The following KIF1B variants were observed in gnomAD, a reference collection of about 807,000 sequenced individuals.
KIF1B encodes kinesin-like protein KIF1B.
Under a neutral mutation model 241.9 loss-of-function variants are expected in KIF1B, and 76 were observed. The ratio of observed to expected loss-of-function variants is 0.31; its 90% CI spans 0.26 to 0.38. The LOEUF (loss-of-function observed/expected upper bound fraction) is 0.38, where lower values mean the gene tolerates loss of function less well. KIF1B is among the 10% of genes least tolerant of loss of function. KIF1B has a pLI of 1.00. For synonymous variants in KIF1B, 750 were observed against 796.7 expected (o/e 0.94, Z 0.99); for missense variants, 1,622 against 2,271.4 (o/e 0.71, Z 5.81).
chr1:10,377,797 A>G lies in KIF1B; in HGVS notation c.*1210A>G, dbSNP rs1182125114. The G allele has an allele frequency of 1.6e-5, 3 of 183,182 alleles. No individual in the cohort carries two copies. The highest frequency in any genetic ancestry group is 2.4e-5 in the African/African-American group (1 of 42,480). The allele number at this position is 183,182 out of a possible 1,614,324, so 11.3% of individuals were successfully genotyped here. A position where few individuals can be genotyped will look rare whatever the true frequency, so the allele number is the denominator to read the frequency against. On this transcript the variant is annotated 3_prime_UTR_variant, in exon 49 of 49. Coordinates refer to ENST00000676179, the MANE Select transcript of KIF1B (RefSeq NM_001365951.3). ...ACTAAAAATACAAAATTAGTCGGGT[A>G]TGGTGGCACATGCCTGTAATTCCAG...
Position 10,375,276 on chromosome 1 carries a change from T to C in KIF1B, c.5311T>C (p.Cys1771Arg), listed in dbSNP as rs1239071144. The C allele has an allele frequency of 5.0e-6, 8 of 1,614,218 alleles. No individual in the cohort carries two copies. The highest frequency in any genetic ancestry group is 6.8e-6 in the Non-Finnish European group (8 of 1,180,022). ...TCAGACACCAAACACCTTTGCTGTCTGCACAAAGCACCGTGGGGTCCTTTT... is the reference window on the plus strand; with the variant it reads ...TCAGACACCAAACACCTTTGCTGTCCGCACAAAGCACCGTGGGGTCCTTTT... ...MVKTPNTFAV[C>R]TKHRGVLLQA... is the part of the protein sequence containing the mutation. Residue 1771 changes from cysteine (C) to arginine (R), a missense_variant, in exon 48 of 49, where the codon TGC (cysteine) becomes CGC (arginine). By Grantham distance (180) the Cys-to-Arg change is radical. Coordinates refer to ENST00000676179, the MANE Select transcript of KIF1B (RefSeq NM_001365951.3).
chr1:10,234,588 C>A (rs1265574488), intron 2 of KIF1B, among the ~76,000 whole-genome samples: 1 of 151,476 alleles, frequency 6.6e-6, no homozygotes, highest in Non-Finnish European at 1.5e-5. Flanking sequence ...GTGGTGCAAT[C>A]ATGGCTTACT....
At chr1:10,364,236 G>A (rs59927894) in intron 41 of KIF1B, among the ~76,000 whole-genome samples, 5 of 131,868 alleles carry the variant, frequency 3.8e-5, no homozygotes, top group Admixed American at 8.8e-5. Flanking sequence ...ACAGAGTCTC[G>A]CTGTGTCACC....
chr1:10,254,912 A>G (rs1021098983), intron 2 of KIF1B, among the ~76,000 whole-genome samples: 4 of 150,888 alleles, frequency 2.7e-5, no homozygotes, highest in African/African-American at 9.7e-5. Flanking sequence ...CTGCTTTCAA[A>G]TAGTGGTTGG....
chr1:10,252,834 CT>C (rs1167205964), intron 2 of KIF1B, among the ~76,000 whole-genome samples: 4 of 151,052 alleles, frequency 2.6e-5, no homozygotes, highest in Admixed American at 2.6e-4. Context: ...ATTCTCCTGT[CT>C]TACTTAGCCT....
intron 1 of KIF1B, among the ~76,000 whole-genome samples, chr1:10,218,154 TC>T (rs560441572): frequency 2.8e-4 from 43 of 152,200 alleles, no homozygotes; most frequent in African/African-American, 8.9e-4. Context: ...ATTTCCCACT[TC>T]CGTGCCAACC....
intron 22 of KIF1B, among the ~76,000 whole-genome samples, chr1:10,319,406 T>A (rs1421865029): frequency 6.6e-6 from 1 of 152,158 alleles, no homozygotes; most frequent in Admixed American, 6.6e-5. Context: ...CGGTCAGTAA[T>A]CCATCTTATA....
At chr1:10,316,984 C>T (rs1041460515) in intron 22 of KIF1B, among the ~76,000 whole-genome samples, 3 of 151,256 alleles carry the variant, frequency 2.0e-5, no homozygotes, top group Non-Finnish European at 4.4e-5. Flanking sequence ...CTGATCATAG[C>T]GCACTACAGC....
chr1:10,237,949 C>T (rs1457417035), intron 2 of KIF1B, among the ~76,000 whole-genome samples: 4 of 151,794 alleles, frequency 2.6e-5, no homozygotes, highest in East Asian at 3.9e-4. Flanking sequence ...GTCAAGGCTG[C>T]GGTGAGCCGT....
Position 10,365,015 on chromosome 1 carries a change from A to G in KIF1B, c.4367-85A>G, listed in dbSNP as rs1638527195. On this transcript the variant is annotated intron_variant, in intron 41 of 48. Transcript: ENST00000676179. The surrounding 1 kb of genome is among the most constrained non-coding windows in gnomAD (Gnocchi z 4.0). Reference sequence around the variant, plus strand: ...AGCGAGACTCCATCTCAAAAAAAAAAAAAAAAGAATTATTAATTCGTTTTG... The same window carrying G: ...AGCGAGACTCCATCTCAAAAAAAAAGAAAAAAGAATTATTAATTCGTTTTG... 7.8e-7 allele frequency: 1 copy of G among 1,278,672 alleles called. No individual in the cohort carries two copies. The highest frequency in any genetic ancestry group is 1.1e-6 in the Non-Finnish European group (1 of 917,236). 79.2% of individuals were successfully genotyped at this position (1,278,672 alleles called of 1,614,324 possible).
chr1:10,304,528 A>C, intron 22 of KIF1B: 1 of 1,613,974 alleles, frequency 6.2e-7, no homozygotes, highest in Non-Finnish European at 8.5e-7. Context: ...CAATGCAGCC[A>C]CTTCCTATCA....
intron 2 of KIF1B, among the ~76,000 whole-genome samples, chr1:10,234,007 C>T (rs1647016450): frequency 6.6e-6 from 1 of 151,970 alleles, no homozygotes; most frequent in African/African-American, 2.4e-5. Flanking sequence ...TATATGGCTA[C>T]CAAAGAGGGT....
intron 2 of KIF1B, among the ~76,000 whole-genome samples, chr1:10,234,957 C>T (rs1359470508): frequency 6.6e-6 from 1 of 151,760 alleles, no homozygotes; most frequent in Non-Finnish European, 1.5e-5. Flanking sequence ...TGGTCTCCCA[C>T]TCCTGATCTG....
At chr1:10,232,912 T>A (rs576087210) in intron 2 of KIF1B, among the ~76,000 whole-genome samples, 3 of 152,224 alleles carry the variant, frequency 2.0e-5, no homozygotes, top group South Asian at 2.1e-4. Flanking sequence ...TATCAGTAAT[T>A]GCTTCATAGT....
chr1:10,328,503 AT>A (rs1260474154), intron 27 of KIF1B, among the ~76,000 whole-genome samples: 1 of 152,226 alleles, frequency 6.6e-6, no homozygotes, highest in Non-Finnish European at 1.5e-5. Flanking sequence ...AGAGAAGCTG[AT>A]TTTTATTAAA....
chr1:10,314,178 A>G (rs1307855939), intron 22 of KIF1B, among the ~76,000 whole-genome samples: 1 of 151,180 alleles, frequency 6.6e-6, no homozygotes, highest in Non-Finnish European at 1.5e-5. Context: ...CACCGCGTCC[A>G]GCCAAAATAT....
chr1:10,255,900 C>T (rs926141177), intron 2 of KIF1B, among the ~76,000 whole-genome samples: 16 of 151,992 alleles, frequency 1.1e-4, no homozygotes, highest in African/African-American at 2.9e-4. Context: ...AGCCATCCTC[C>T]GACCTCAGCT....
At chr1:10,359,409 A>G (rs1189629952) in intron 38 of KIF1B, among the ~76,000 whole-genome samples, 1 of 152,216 alleles carries the variant, frequency 6.6e-6, no homozygotes, top group Non-Finnish European at 1.5e-5. Flanking sequence ...GAGAAGGGAA[A>G]CATGGGGCAG....
intron 27 of KIF1B, among the ~76,000 whole-genome samples, chr1:10,331,189 C>T (rs1451199402): frequency 6.6e-6 from 1 of 151,936 alleles, no homozygotes; most frequent in African/African-American, 2.4e-5. Context: ...TCTTTAATGG[C>T]CCAGGCCTTG....
Sources: allele counts gnomAD v4.1 joint callset (sites outside exome capture counted in the v4.1 genomes callset), GRCh38; gene constraint gnomAD v4.1.1; non-coding constraint Gnocchi (gnomAD v3.1); transcripts MANE v1.5; gene names NCBI Gene and HGNC (gene_info 2026-07-23, HGNC 2026-07-21).